Variants in B3GALT1 observed in about 807,000 individuals in gnomAD.
The protein encoded by B3GALT1 is UDP-Gal:betaGlcNAc beta 1,3-galactosyltransferase, polypeptide 1.
B3GALT1 carries 10 observed loss-of-function variants against 23.2 expected under a neutral mutation model. That is an observed-to-expected ratio of 0.43 (90% CI 0.27 to 0.73). The LOEUF (loss-of-function observed/expected upper bound fraction) is 0.73. B3GALT1 is among the 30% of genes least tolerant of loss of function. The pLI is 0.21. For synonymous variants in B3GALT1, 156 were observed against 141.5 expected (o/e 1.10, Z -0.73); for missense variants, 299 against 405.4 (o/e 0.74, Z 2.25).
intron 2 of B3GALT1, among the ~76,000 whole-genome samples, chr2:167,511,268 C>T (rs901525298): frequency 2.0e-5 from 3 of 152,126 alleles, no homozygotes; most frequent in Non-Finnish European, 4.4e-5. Flanking sequence ...TTGTAGTTCC[C>T]ATAATCCTCA....
chr2:167,664,485 C>G (rs1022339822), intron 3 of B3GALT1, among the ~76,000 whole-genome samples: 4 of 152,086 alleles, frequency 2.6e-5, no homozygotes, highest in Admixed American at 6.5e-5. Context: ...GTAGTTTTTT[C>G]CAATTCTGTG....
At chr2:167,860,258 A>G (rs964030744) in intron 4 of B3GALT1, among the ~76,000 whole-genome samples, 1 of 152,148 alleles carries the variant, frequency 6.6e-6, no homozygotes. Context: ...AGATCAAAAC[A>G]TTTTTCAGAA....
intron 1 of B3GALT1, among the ~76,000 whole-genome samples, chr2:167,447,944 C>T (rs376033270): frequency 6.6e-6 from 1 of 152,182 alleles, no homozygotes; most frequent in African/African-American, 2.4e-5. Flanking sequence ...GTCGCTCATA[C>T]TGGGAGCTGT....
Position 167,413,655 on chromosome 2 carries a change from G to A in B3GALT1, c.-510-76522G>A, listed in dbSNP as rs572823417. On this transcript the variant is annotated intron_variant, in intron 1 of 4. Coordinates refer to ENST00000392690, the MANE Select transcript of B3GALT1 (RefSeq NM_020981.4). ...TTTGCTTTAAATTTTATGTTTTCAA[G>A]TGTCAATATTACTACAGATTTCTTC... Among the ~76,000 whole-genome samples, 29 of 151,968 alleles carry A rather than the reference G, an allele frequency of 1.9e-4. 1 individual carries two copies. Among genetic ancestry groups the A allele is most frequent in the Middle Eastern group, 3.6e-3 (1 of 278 alleles).
intron 3 of B3GALT1, among the ~76,000 whole-genome samples, chr2:167,661,073 G>C (rs567362123): frequency 1.3e-5 from 2 of 152,196 alleles, no homozygotes; most frequent in South Asian, 4.1e-4. Flanking sequence ...GATTTTCTTC[G>C]TTGTGCAACG....
chr2:167,749,734 G>C (rs1419725008), intron 3 of B3GALT1, among the ~76,000 whole-genome samples: 1 of 152,176 alleles, frequency 6.6e-6, no homozygotes, highest in Non-Finnish European at 1.5e-5. Flanking sequence ...TCCAACAGCA[G>C]TTTCAAGATT....
intron 2 of B3GALT1, among the ~76,000 whole-genome samples, chr2:167,541,889 G>A (rs1285248644): frequency 6.6e-6 from 1 of 151,998 alleles, no homozygotes; most frequent in African/African-American, 2.4e-5. Context: ...CAGTTCAGAG[G>A]TCACAACATG....
At chr2:167,632,019 C>G (rs1203002560) in intron 2 of B3GALT1, among the ~76,000 whole-genome samples, 2 of 151,874 alleles carry the variant, frequency 1.3e-5, no homozygotes, top group African/African-American at 4.8e-5. Flanking sequence ...TGTTCAACTC[C>G]CACTTATGAG....
At chr2:167,715,384 T>C in intron 3 of B3GALT1, 1 of 1,613,682 alleles carries the variant, frequency 6.2e-7, no homozygotes, top group Non-Finnish European at 8.5e-7. Context: ...CTTCAGCTTC[T>C]CGCAAAAGCT....
chr2:167,447,558 A>G (rs1699019478), intron 1 of B3GALT1, among the ~76,000 whole-genome samples: 1 of 152,084 alleles, frequency 6.6e-6, no homozygotes, highest in African/African-American at 2.4e-5. Context: ...AGCCTCAGCA[A>G]TGGCAGGCAC....
intron 1 of B3GALT1, among the ~76,000 whole-genome samples, chr2:167,371,619 G>A (rs1258547432): frequency 1.3e-5 from 2 of 152,054 alleles, no homozygotes; most frequent in African/African-American, 2.4e-5. Context: ...GGATGAATAA[G>A]CTATGGAGCT....
intron 3 of B3GALT1, among the ~76,000 whole-genome samples, chr2:167,783,430 C>T (rs1420064628): frequency 1.3e-5 from 2 of 152,108 alleles, no homozygotes; most frequent in Admixed American, 1.3e-4. Flanking sequence ...GTTCCCTTCC[C>T]ACCTCCACCT....
intron 4 of B3GALT1, among the ~76,000 whole-genome samples, chr2:167,822,537 A>G (rs929736479): frequency 6.6e-6 from 1 of 152,340 alleles, no homozygotes; most frequent in Admixed American, 6.5e-5. Flanking sequence ...AAGAAGGAGC[A>G]CAGGAAAACC....
chr2:167,578,492 A>G (rs1341992131), intron 2 of B3GALT1, among the ~76,000 whole-genome samples: 1 of 151,716 alleles, frequency 6.6e-6, no homozygotes, highest in Admixed American at 6.6e-5. Context: ...GATTGCATCA[A>G]TATATTCAAA....
intron 1 of B3GALT1, among the ~76,000 whole-genome samples, chr2:167,334,870 A>G (rs918742494): frequency 6.6e-6 from 1 of 152,146 alleles, no homozygotes; most frequent in Admixed American, 6.6e-5. Flanking sequence ...TATTGTGGCA[A>G]AATAATTTTC....
intron 2 of B3GALT1, among the ~76,000 whole-genome samples, chr2:167,632,247 G>A (rs2464037): frequency 0.11 from 16,300 of 151,778 alleles, 1,842 homozygotes; most frequent in African/African-American, 0.28. Context: ...TAGTGCTGCA[G>A]TAAACATACT....
chr2:167,768,650 G>A (rs1161296060), intron 3 of B3GALT1, among the ~76,000 whole-genome samples: 3 of 152,168 alleles, frequency 2.0e-5, no homozygotes, highest in Non-Finnish European at 2.9e-5. Flanking sequence ...GAAAAACAAA[G>A]GTTATTCCCA....
chr2:167,857,203 A>G (rs982452402), intron 4 of B3GALT1, among the ~76,000 whole-genome samples: 2 of 152,120 alleles, frequency 1.3e-5, no homozygotes, highest in Non-Finnish European at 2.9e-5. Flanking sequence ...GAGTAAAAAT[A>G]CAGGTGATGG....
chr2:167,399,228 G>A (rs914422936), intron 1 of B3GALT1, among the ~76,000 whole-genome samples: 98 of 152,214 alleles, frequency 6.4e-4, no homozygotes, highest in African/African-American at 2.1e-3. Context: ...ACCAATAATT[G>A]AGTTAGAAGC....
Sources: gnomAD v4.1 joint callset for allele counts (sites outside exome capture counted in the v4.1 genomes callset) on GRCh38, gnomAD v4.1.1 for gene constraint, MANE v1.5 for transcripts, NCBI Gene and HGNC (gene_info 2026-07-23, HGNC 2026-07-21) for gene names.